Variants in RIT2 observed in about 807,000 individuals in gnomAD.
RIT2 encodes GTP-binding protein Rit2.
A neutral mutation model predicts 23.7 loss-of-function variants in RIT2; 24 were observed. The ratio of observed to expected loss-of-function variants is 1.01; its 90% CI spans 0.73 to 1.43. The LOEUF (loss-of-function observed/expected upper bound fraction) is 1.43, where lower values mean the gene tolerates loss of function less well. RIT2 is among the 40% of genes most tolerant of loss of function. RIT2 has a pLI of 0.00. For synonymous variants in RIT2, 107 were observed against 91.1 expected (o/e 1.17, Z -0.99); for missense variants, 236 against 266.9 (o/e 0.88, Z 0.81).
rs1398041829 is a variant in RIT2, at chr18:42,988,577, A to G, written c.161-14430T>C. On this transcript the variant is annotated intron_variant, in intron 2 of 4. Coordinates refer to ENST00000326695, the MANE Select transcript of RIT2 (RefSeq NM_002930.4). The stretch of plus-strand genomic sequence containing the variant: ...GCCCCAAGTTCCACCTCTCTGCTTC[A>G]TTCTCTCTGGTTAAGATAAGTCATT... Among the ~76,000 whole-genome samples, 31 of 152,200 alleles carry G rather than the reference A, an allele frequency of 2.0e-4. 1 individual carries two copies.
intron 3 of RIT2, among the ~76,000 whole-genome samples, chr18:42,970,386 C>A (rs564772372): frequency 1.4e-4 from 21 of 151,912 alleles, no homozygotes; most frequent in Non-Finnish European, 2.9e-4. Context: ...AAATTAAATG[C>A]TGGAAAGATG....
intron 2 of RIT2, among the ~76,000 whole-genome samples, chr18:42,985,094 T>C (rs994016864): frequency 1.3e-5 from 2 of 152,088 alleles, no homozygotes; most frequent in Non-Finnish European, 2.9e-5. Flanking sequence ...GGCAACAAAC[T>C]TAGTAAAGAA....
At chr18:43,052,022 C>T (rs1353027643) in intron 1 of RIT2, among the ~76,000 whole-genome samples, 1 of 152,022 alleles carries the variant, frequency 6.6e-6, no homozygotes, top group East Asian at 1.9e-4. Flanking sequence ...AGGACTCTGC[C>T]AAAGTTTTAC....
chr18:43,055,851 T>G (rs546815454), intron 1 of RIT2, among the ~76,000 whole-genome samples: 1 of 152,010 alleles, frequency 6.6e-6, no homozygotes, highest in Non-Finnish European at 1.5e-5. Context: ...TAGGCAAGGA[T>G]GTGAATGCAG....
At chr18:42,943,887 G>T (rs1909663502) in intron 3 of RIT2, among the ~76,000 whole-genome samples, 1 of 152,068 alleles carries the variant, frequency 6.6e-6, no homozygotes, top group African/African-American at 2.4e-5. Context: ...AGCAAATGTT[G>T]CCAGCTCTAC....
At chr18:42,905,136 A>G (rs1271623715) in intron 4 of RIT2, among the ~76,000 whole-genome samples, 1 of 152,222 alleles carries the variant, frequency 6.6e-6, no homozygotes, top group African/African-American at 2.4e-5. Flanking sequence ...AGATGTGCAC[A>G]GAAACATTCA....
chr18:43,018,400 C>A (rs1911521757), intron 2 of RIT2, among the ~76,000 whole-genome samples: 1 of 151,590 alleles, frequency 6.6e-6, no homozygotes, highest in Non-Finnish European at 1.5e-5. Context: ...GAAACTACAT[C>A]AAATGGGCTA....
chr18:42,981,028 A>T (rs1235527694), intron 2 of RIT2, among the ~76,000 whole-genome samples: 1 of 152,040 alleles, frequency 6.6e-6, no homozygotes, highest in African/African-American at 2.4e-5. Context: ...TCCATTGGAA[A>T]CCTAATTCCC....
intron 4 of RIT2, among the ~76,000 whole-genome samples, chr18:42,892,532 A>G (rs1050419990): frequency 6.6e-6 from 1 of 152,170 alleles, no homozygotes; most frequent in Admixed American, 6.5e-5. Flanking sequence ...ATTAAATCTT[A>G]TCTGACATTG....
intron 4 of RIT2, among the ~76,000 whole-genome samples, chr18:42,881,053 G>GCCTC (rs1907880240): frequency 6.6e-6 from 1 of 151,884 alleles, no homozygotes; most frequent in Admixed American, 6.6e-5. Context: ...TGATCCACCC[G>GCCTC]CCTCGGCCTC....
chr18:42,880,119 CT>C (rs1239261810), intron 4 of RIT2, among the ~76,000 whole-genome samples: 2 of 152,104 alleles, frequency 1.3e-5, no homozygotes, highest in African/African-American at 2.4e-5. Context: ...CAAATCCAAT[CT>C]TTTTGTACCT....
chr18:43,014,652 T>C (rs1911431015), intron 2 of RIT2, among the ~76,000 whole-genome samples: 1 of 22,916 alleles, frequency 4.4e-5, no homozygotes, highest in African/African-American at 7.3e-5. Context: ...GGAAAGAGAC[T>C]TTCAAAAGCA....
At chr18:42,837,360 G>T (rs1253842150) in intron 4 of RIT2, among the ~76,000 whole-genome samples, 1 of 151,166 alleles carries the variant, frequency 6.6e-6, no homozygotes, top group Non-Finnish European at 1.5e-5. Context: ...GTAGAGATGA[G>T]GTTTCATCTT....
At chr18:42,885,904 A>G (rs1908010838) in intron 4 of RIT2, among the ~76,000 whole-genome samples, 1 of 152,236 alleles carries the variant, frequency 6.6e-6, no homozygotes, top group South Asian at 2.1e-4. Context: ...GGGCCTAGCC[A>G]TAGAAGTGTA....
intron 4 of RIT2, among the ~76,000 whole-genome samples, chr18:42,860,927 T>G (rs997597379): frequency 5.3e-5 from 8 of 152,310 alleles, no homozygotes; most frequent in African/African-American, 1.7e-4. Context: ...AGAATTAGGC[T>G]TTGTGTTTAT....
At chr18:42,753,344 G>A (rs1913090149) in intron 4 of RIT2, among the ~76,000 whole-genome samples, 1 of 152,238 alleles carries the variant, frequency 6.6e-6, no homozygotes, top group East Asian at 1.9e-4. Context: ...TGCCTAATAA[G>A]CTATATAATT....
At chr18:43,046,327 G>T (rs755288792) in intron 1 of RIT2, among the ~76,000 whole-genome samples, 2 of 152,210 alleles carry the variant, frequency 1.3e-5, no homozygotes, top group Non-Finnish European at 2.9e-5. Flanking sequence ...AGAACAGATT[G>T]TGACCACATT....
At chr18:43,089,947 C>A (rs1913381757) in intron 1 of RIT2, among the ~76,000 whole-genome samples, 1 of 152,048 alleles carries the variant, frequency 6.6e-6, no homozygotes, top group Admixed American at 6.6e-5. Flanking sequence ...TGGAAGACAA[C>A]CTAGGCAATA....
At chr18:42,933,493 G>A (rs557459394) in intron 3 of RIT2, among the ~76,000 whole-genome samples, 1 of 152,130 alleles carries the variant, frequency 6.6e-6, no homozygotes, top group Non-Finnish European at 1.5e-5. Flanking sequence ...CCTGGTGAGA[G>A]TTAATTGAAT....
Sources: allele counts gnomAD v4.1 joint callset (sites outside exome capture counted in the v4.1 genomes callset), GRCh38; gene constraint gnomAD v4.1.1; transcripts MANE v1.5; gene names NCBI Gene and HGNC (gene_info 2026-07-23, HGNC 2026-07-21).